Variants in GRIK2 observed in about 807,000 individuals in gnomAD.
GRIK2 encodes glutamate ionotropic receptor kainate type subunit 2.
In GRIK2, 32 loss-of-function variants were observed where a neutral mutation model predicts 100.3. The ratio of observed to expected loss-of-function variants is 0.32; its 90% CI spans 0.24 to 0.43. The LOEUF is 0.43. GRIK2 is among the 20% of genes least tolerant of loss of function. GRIK2 has a pLI of 1.00. For synonymous variants in GRIK2, 417 were observed against 389.4 expected, an observed-to-expected ratio of 1.07 and a Z score of -0.83; for missense variants, 843 against 1,114.9, an observed-to-expected ratio of 0.76 and a Z score of 3.47.
intron 4 of GRIK2, among the ~76,000 whole-genome samples, chr6:101,667,888 A>C (rs1770146691): frequency 6.6e-6 from 1 of 152,162 alleles, no homozygotes; most frequent in Admixed American, 6.6e-5. Flanking sequence ...AACTGGACTC[A>C]GAAAGATTCT....
chr6:101,456,701 A>G (rs1240591686), intron 2 of GRIK2, among the ~76,000 whole-genome samples: 3 of 150,932 alleles, frequency 2.0e-5, no homozygotes, highest in East Asian at 1.9e-4. Context: ...AAAAAACCAT[A>G]GAGTTTAAAA....
rs115210072 is a variant in GRIK2 at position 101,933,569 on chromosome 6, C to T, written c.2085+4937C>T. ...CCTGTATTCATGGATTCCTATTTTC[C>T]CAGCCTCCCCAAATGATGATTTGAT... On this transcript the variant is annotated intron_variant, in intron 14 of 16. Transcript: ENST00000369134. Among the ~76,000 whole-genome samples, 231 of 151,942 alleles carry T rather than the reference C, an allele frequency of 1.5e-3. 1 individual carries two copies. The highest frequency in any genetic ancestry group is 5.3e-3 in the African/African-American group (221 of 41,500).
chr6:101,986,206 T>C (rs2128490782), intron 14 of GRIK2, among the ~76,000 whole-genome samples: 1 of 152,006 alleles, frequency 6.6e-6, no homozygotes, highest in Non-Finnish European at 1.5e-5. Context: ...TGGATTATAA[T>C]GATAAATCCC....
intron 14 of GRIK2, among the ~76,000 whole-genome samples, chr6:101,949,021 A>G (rs1340268): frequency 0.068 from 10,390 of 152,126 alleles, 808 homozygotes; most frequent in African/African-American, 0.18. Flanking sequence ...CACCACTTAA[A>G]ATAATTGCTT....
At chr6:102,035,682 C>A in intron 15 of GRIK2, 116 bp downstream of exon 15, 1 of 616,640 alleles carries the variant, frequency 1.6e-6, no homozygotes. Flanking sequence ...CAAATGCATC[C>A]TGCTACCTCT....
At chr6:101,472,088 G>A (rs978983565) in intron 2 of GRIK2, among the ~76,000 whole-genome samples, 1 of 151,702 alleles carries the variant, frequency 6.6e-6, no homozygotes, top group Non-Finnish European at 1.5e-5. Flanking sequence ...GGATTATTCA[G>A]TTATAGCATT....
At chr6:101,583,928 G>A (rs1728249730) in intron 2 of GRIK2, among the ~76,000 whole-genome samples, 1 of 151,924 alleles carries the variant, frequency 6.6e-6, no homozygotes, top group Non-Finnish European at 1.5e-5. Flanking sequence ...GTGAACAAAA[G>A]CTTTTTTAAT....
chr6:101,509,344 G>C (rs1010816411), intron 2 of GRIK2, among the ~76,000 whole-genome samples: 9 of 152,218 alleles, frequency 5.9e-5, no homozygotes, highest in African/African-American at 2.2e-4. Flanking sequence ...ATGCAAATTG[G>C]ATTTGTTTTA....
At chr6:102,020,957 C>T (rs13216974) in intron 14 of GRIK2, among the ~76,000 whole-genome samples, 41,157 of 151,504 alleles carry the variant, frequency 0.27, 5,989 homozygotes, top group East Asian at 0.34. Flanking sequence ...TTTATATGTA[C>T]ATATTTGAGA....
chr6:101,758,696 C>A (rs948866306), intron 7 of GRIK2, among the ~76,000 whole-genome samples: 1 of 152,074 alleles, frequency 6.6e-6, no homozygotes, highest in Non-Finnish European at 1.5e-5. Flanking sequence ...CAGAATAGAG[C>A]ATGGGATATA....
intron 7 of GRIK2, among the ~76,000 whole-genome samples, chr6:101,725,936 G>C (rs1177832410): frequency 6.6e-6 from 1 of 151,886 alleles, no homozygotes; most frequent in East Asian, 1.9e-4. Context: ...ATTACATGAT[G>C]ATTGCATAAA....
intron 2 of GRIK2, among the ~76,000 whole-genome samples, chr6:101,476,220 C>T (rs1772220056): frequency 6.6e-6 from 1 of 152,018 alleles, no homozygotes; most frequent in South Asian, 2.1e-4. Flanking sequence ...TCAGATTGAA[C>T]TATTTGGAGA....
At chr6:102,018,253 C>T (rs1193164175) in intron 14 of GRIK2, among the ~76,000 whole-genome samples, 1 of 152,110 alleles carries the variant, frequency 6.6e-6, no homozygotes, top group Non-Finnish European at 1.5e-5. Context: ...CAGATCCCTC[C>T]TCTGTTTCAG....
intron 7 of GRIK2, among the ~76,000 whole-genome samples, chr6:101,779,770 G>A (rs766485598): frequency 1.1e-4 from 16 of 151,942 alleles, no homozygotes; most frequent in Admixed American, 2.0e-4. Flanking sequence ...ATTAAGTGTG[G>A]CCCATATATA....
intron 2 of GRIK2, among the ~76,000 whole-genome samples, chr6:101,578,109 A>T (rs1777875086): frequency 6.6e-6 from 1 of 152,186 alleles, no homozygotes; most frequent in African/African-American, 2.4e-5. Context: ...GTACCCTAGA[A>T]GCCATTGGCT....
chr6:101,731,972 A>C (rs1009863544), intron 7 of GRIK2, among the ~76,000 whole-genome samples: 2 of 152,122 alleles, frequency 1.3e-5, no homozygotes, highest in African/African-American at 4.8e-5. Flanking sequence ...CTAGAGAACC[A>C]TAATAACACT....
At chr6:102,045,461 G>C (rs967172217) in intron 15 of GRIK2, among the ~76,000 whole-genome samples, 1 of 151,936 alleles carries the variant, frequency 6.6e-6, no homozygotes, top group Non-Finnish European at 1.5e-5. Context: ...AATCCATTTT[G>C]TTCATTTCTT....
chr6:101,496,683 A>T (rs1773466218), intron 2 of GRIK2, among the ~76,000 whole-genome samples: 1 of 152,200 alleles, frequency 6.6e-6, no homozygotes, highest in African/African-American at 2.4e-5. Context: ...CAAACAAATC[A>T]TGGACAAACA....
intron 2 of GRIK2, among the ~76,000 whole-genome samples, chr6:101,512,906 A>G (rs1774389869): frequency 6.6e-6 from 1 of 152,066 alleles, no homozygotes; most frequent in South Asian, 2.1e-4. Context: ...ACTGTAAATA[A>G]TGATTTTCAT....
Sources: gnomAD v4.1 joint callset for allele counts (sites outside exome capture counted in the v4.1 genomes callset) on GRCh38, gnomAD v4.1.1 for gene constraint, MANE v1.5 for transcripts, NCBI Gene and HGNC (gene_info 2026-07-23, HGNC 2026-07-21) for gene names.